The following OR2A42 variants were observed in gnomAD, a reference collection of about 807,000 sequenced individuals.
The protein encoded by OR2A42 is olfactory receptor family 2 subfamily A member 42.
For synonymous variants in OR2A42, 5 were observed against 46.4 expected, an observed-to-expected ratio of 0.11 and a Z score of 3.63; for missense variants, 3 against 104.1, an observed-to-expected ratio of 0.03 and a Z score of 4.23.
chr7:144,237,548 A>T (rs1432006163), intron 2 of OR2A42, among the ~76,000 whole-genome samples: 1 of 147,012 alleles, frequency 6.8e-6, no homozygotes, highest in Admixed American at 6.7e-5. Flanking sequence ...AAGACGGTAA[A>T]AAAACAAACA....
At chr7:144,234,807 C>A in intron 2 of OR2A42, among the ~76,000 whole-genome samples, 1 of 107,112 alleles carries the variant, frequency 9.3e-6, no homozygotes, top group Non-Finnish European at 1.9e-5. Flanking sequence ...AACACATGGC[C>A]AAGGGTTATA....
At position 144,235,198 on chromosome 7, in the gene OR2A42, C is replaced by T. The variant is rs1466220418; in HGVS notation, c.-4-2351G>A. Among the ~76,000 whole-genome samples the T allele has an allele frequency of 4.8e-5, 7 of 146,750 alleles. No homozygotes were observed. In the South Asian group the frequency reaches 1.1e-3, roughly 23 times the overall value. On this transcript the variant is annotated intron_variant, in intron 2 of 2. Coordinates refer to ENST00000641810, the MANE Select transcript of OR2A42 (RefSeq NM_001001802.3). ...TTTCAAACTTTTGGGTTCAAGTGCTCCTCCCACCTCAGCCTCCCAAAGTGC... is the reference window on the plus strand; with the variant it reads ...TTTCAAACTTTTGGGTTCAAGTGCTTCTCCCACCTCAGCCTCCCAAAGTGC...
chr7:144,235,426 C>T (rs1488407433), intron 2 of OR2A42, among the ~76,000 whole-genome samples: 13 of 151,590 alleles, frequency 8.6e-5, no homozygotes, highest in Admixed American at 8.6e-4. Context: ...CACTCAGATT[C>T]TTTAAGGACA....
rs1194664509 is a variant in OR2A42, at chr7:144,229,118, G to A, written c.*2793C>T. The A allele has an allele frequency of 6.9e-6, 1 of 145,696 alleles. No homozygotes were observed. Among genetic ancestry groups the A allele is most frequent in the Non-Finnish European group, 1.5e-5 (1 of 65,816 alleles). The allele number at this position is 145,696 out of a possible 1,614,324, so 9.0% of individuals were successfully genotyped here. On this transcript the variant is annotated 3_prime_UTR_variant, in exon 3 of 3. Transcript: ENST00000641810. Reference sequence around the variant, plus strand: ...CTCTTCCTGTTTAAAGAGCAATTTTGGTTCCAGATCAGAAAGTTTAGCAAC... The same window carrying A: ...CTCTTCCTGTTTAAAGAGCAATTTTAGTTCCAGATCAGAAAGTTTAGCAAC...
chr7:144,235,695 T>G (rs1376042665), intron 2 of OR2A42, among the ~76,000 whole-genome samples: 1 of 152,152 alleles, frequency 6.6e-6, no homozygotes, highest in Non-Finnish European at 1.5e-5. Flanking sequence ...CCCCCATAGT[T>G]TCTTTCATTC....
At position 144,230,137 on chromosome 7, in the gene OR2A42, T is replaced by TG. The variant is rs1554429755; in HGVS notation, c.*1773_*1774insC. The TG allele has an allele frequency of 2.7e-5, 3 of 110,410 alleles. No individual in the cohort carries two copies. The highest frequency in any genetic ancestry group is 1.0e-4 in the African/African-American group (3 of 28,644). 6.8% of individuals were successfully genotyped at this position (110,410 alleles called of 1,614,324 possible). A position where few individuals can be genotyped will look rare whatever the true frequency, so the allele number is the denominator to read the frequency against. On this transcript the variant is annotated 3_prime_UTR_variant, in exon 3 of 3. Transcript: ENST00000641810. Reference sequence around the variant, plus strand: ...ACGCACCAGTATAAAAAAAGCTGTTTTTTGTTTGTTTGTTTGTTTGTTTGT... The same window carrying TG: ...ACGCACCAGTATAAAAAAAGCTGTTTGTTTGTTTGTTTGTTTGTTTGTTTGT...
rs2128819162 is a variant in OR2A42, at chr7:144,230,036, G to A, written c.*1875C>T. On this transcript the variant is annotated 3_prime_UTR_variant, in exon 3 of 3. Transcript: ENST00000641810. ...CCATTGTTTTTGGTTTCACCATCCT[G>A]CCCGTCAAGAGGCTCCTCCTCCGTC... is the stretch of plus-strand genomic sequence containing the variant. 6.7e-6 allele frequency: 1 copy of A among 148,406 alleles called. No homozygotes were observed. The highest frequency in any genetic ancestry group is 2.2e-4 in the South Asian group (1 of 4,628). The allele number at this position is 148,406 out of a possible 1,614,324, so 9.2% of individuals were successfully genotyped here.
rs1429106852 is a variant in OR2A42 at position 144,230,529 on chromosome 7, G to C, written c.*1382C>G. On this transcript the variant is annotated 3_prime_UTR_variant, in exon 3 of 3. Coordinates refer to ENST00000641810, the MANE Select transcript of OR2A42 (RefSeq NM_001001802.3). ...CTAAGCACTGTGCGTATATGTGTGT[G>C]TGTGTGTGTGCGCGCACGCATGTAC... 1.3e-5 allele frequency: 2 copies of C among 148,376 alleles called. No individual in the cohort carries two copies. The highest frequency in any genetic ancestry group is 3.0e-5 in the Non-Finnish European group (2 of 67,216). 9.2% of individuals were successfully genotyped at this position (148,376 alleles called of 1,614,324 possible).
Position 144,229,789 on chromosome 7 carries a change from A to G in OR2A42, c.*2122T>C, listed in dbSNP as rs62483825. ...AAATTTAATAAATTATTTCATTGTT[A>G]TTATTGTTGGAGACAAGGTCTCACT... On this transcript the variant is annotated 3_prime_UTR_variant, in exon 3 of 3. Transcript: ENST00000641810. 7,425 of 142,138 alleles carry G rather than the reference A, an allele frequency of 0.052. 11 individuals carry two copies. The highest frequency in any genetic ancestry group is 0.08 in the Non-Finnish European group (4,973 of 61,788). 8.8% of individuals were successfully genotyped at this position (142,138 alleles called of 1,614,324 possible).
chr7:144,235,667 C>G (rs1398757586), intron 2 of OR2A42, among the ~76,000 whole-genome samples: 3 of 152,190 alleles, frequency 2.0e-5, no homozygotes, highest in South Asian at 2.1e-4. Flanking sequence ...TTGAAAGACA[C>G]TTTTGTTTTC....
At position 144,230,049 on chromosome 7, in the gene OR2A42, C is replaced by T. The variant is rs1436268675; in HGVS notation, c.*1862G>A. 6.8e-6 allele frequency: 1 copy of T among 147,406 alleles called. No individual in the cohort carries two copies. Among genetic ancestry groups the T allele is most frequent in the Non-Finnish European group, 1.5e-5 (1 of 66,352 alleles). 9.1% of individuals were successfully genotyped at this position (147,406 alleles called of 1,614,324 possible). ...TTTCACCATCCTGCCCGTCAAGAGG[C>T]TCCTCCTCCGTCTCTGACCCTTGGA... On this transcript the variant is annotated 3_prime_UTR_variant, in exon 3 of 3. Transcript: ENST00000641810.
In OR2A42 at chr7:144,238,882, G is replaced by C. The variant is rs542268180; in HGVS notation, c.-316-139C>G. On this transcript the variant is annotated intron_variant, in intron 1 of 2. Coordinates refer to ENST00000641810, the MANE Select transcript of OR2A42 (RefSeq NM_001001802.3). ...TTTCATTATAGTCCCGGAATGCTTG[G>C]ATTTCATGAATCCCAGCACTGCCCT... 9 of 150,200 alleles carry C rather than the reference G, an allele frequency of 6.0e-5. No individual in the cohort carries two copies. In the East Asian group the frequency reaches 1.4e-3, roughly 23 times the overall value. 9.3% of individuals were successfully genotyped at this position (150,200 alleles called of 1,614,324 possible). A position where few individuals can be genotyped will look rare whatever the true frequency, so the allele number is the denominator to read the frequency against.
At position 144,229,140 on chromosome 7, in the gene OR2A42, C is replaced by T. The variant is rs1475040324; in HGVS notation, c.*2771G>A. 3.1e-5 allele frequency: 4 copies of T among 130,944 alleles called. No homozygotes were observed. The highest frequency in any genetic ancestry group is 1.1e-4 in the African/African-American group (4 of 36,966). 8.1% of individuals were successfully genotyped at this position (130,944 alleles called of 1,614,324 possible). On this transcript the variant is annotated 3_prime_UTR_variant, in exon 3 of 3. Transcript: ENST00000641810. The stretch of plus-strand genomic sequence containing the variant: ...TTTGGTTCCAGATCAGAAAGTTTAG[C>T]AACCCTGACAGGTTTAAAATAACTT...
Position 144,238,651 on chromosome 7 carries a change from AAGG to A in OR2A42, c.-227_-225del, listed in dbSNP as rs1202859304. ...TGAAAATGTATCAGAATCCTCAGAA[AAGG>A]AGGTGTTATTCTCTGATGTGCTCAG... On this transcript the variant is annotated 5_prime_UTR_variant, in exon 2 of 3. Coordinates refer to ENST00000641810, the MANE Select transcript of OR2A42 (RefSeq NM_001001802.3). 5 of 150,734 alleles carry A rather than the reference AAGG, an allele frequency of 3.3e-5. No homozygotes were observed. Among genetic ancestry groups the A allele is most frequent in the Admixed American group, 6.6e-5 (1 of 15,192 alleles). The allele number at this position is 150,734 out of a possible 1,614,324, so 9.3% of individuals were successfully genotyped here.
chr7:144,236,865 C>CT (rs1447524443), intron 2 of OR2A42, among the ~76,000 whole-genome samples: 11 of 26,820 alleles, frequency 4.1e-4, no homozygotes, highest in African/African-American at 3.1e-4. Context: ...TGTCTGGCTA[C>CT]CTTTTTTTAA....
At chr7:144,235,154 A>G (rs1222135840) in intron 2 of OR2A42, among the ~76,000 whole-genome samples, 2 of 146,906 alleles carry the variant, frequency 1.4e-5, no homozygotes, top group Non-Finnish European at 3.0e-5. Flanking sequence ...ACAATGTATT[A>G]TTATGTCACC....
chr7:144,238,043 G>A (rs2052454141), intron 2 of OR2A42, among the ~76,000 whole-genome samples: 1 of 130,304 alleles, frequency 7.7e-6, no homozygotes, highest in Admixed American at 7.5e-5. Flanking sequence ...TAATGGCTGA[G>A]ATCAATTATT....
rs1159212874 is a variant in OR2A42 at position 144,228,544 on chromosome 7, A to G, written c.*3367T>C. 1 of 122,400 alleles carries G rather than the reference A, an allele frequency of 8.2e-6. No individual in the cohort carries two copies. Among genetic ancestry groups the G allele is most frequent in the Non-Finnish European group, 1.8e-5 (1 of 55,950 alleles). 7.6% of individuals were successfully genotyped at this position (122,400 alleles called of 1,614,324 possible). A position where few individuals can be genotyped will look rare whatever the true frequency, so the allele number is the denominator to read the frequency against. On this transcript the variant is annotated 3_prime_UTR_variant, in exon 3 of 3. Coordinates refer to ENST00000641810, the MANE Select transcript of OR2A42 (RefSeq NM_001001802.3). ...GTGCCAACCACATAGTAAGTGCTCAATAATTATCAGCTACAATTAAATTTC... is the reference window on the plus strand; with the variant it reads ...GTGCCAACCACATAGTAAGTGCTCAGTAATTATCAGCTACAATTAAATTTC...
chr7:144,229,744 C>A lies in OR2A42; in HGVS notation c.*2167G>T, dbSNP rs1426193296. The A allele has an allele frequency of 6.6e-6, 1 of 150,510 alleles. No homozygotes were observed. The highest frequency in any genetic ancestry group is 1.5e-5 in the Non-Finnish European group (1 of 67,204). The allele number at this position is 150,510 out of a possible 1,614,324, so 9.3% of individuals were successfully genotyped here. On this transcript the variant is annotated 3_prime_UTR_variant, in exon 3 of 3. Coordinates refer to ENST00000641810, the MANE Select transcript of OR2A42 (RefSeq NM_001001802.3). ...AGCAATGGAATTACAAATTGTATAT[C>A]CAGTTTGGGTAATTTTAAAAAATTT...
Sources: gnomAD v4.1 joint callset for allele counts (sites outside exome capture counted in the v4.1 genomes callset) on GRCh38, gnomAD v4.1.1 for gene constraint, MANE v1.5 for transcripts, NCBI Gene and HGNC (gene_info 2026-07-23, HGNC 2026-07-21) for gene names.